STON2: variants seen among roughly 807,000 people sequenced by gnomAD.
The protein encoded by STON2 is stonin 2, also known as stonin-2.
A neutral mutation model predicts 65.7 loss-of-function variants in STON2; 29 were observed. The observed-to-expected ratio is 0.44, with a 90% confidence interval of 0.33 to 0.60. The LOEUF (loss-of-function observed/expected upper bound fraction) is 0.60. STON2 is among the 20% of genes least tolerant of loss of function. The probability of loss-of-function intolerance (pLI) is 0.03; values close to 1 mark genes in which losing one functional copy is unlikely to be tolerated. For missense variants in STON2, 1,054 were observed against 1,118.1 expected, an observed-to-expected ratio of 0.94 and a Z score of 0.82; for synonymous variants, 404 against 414.2, an observed-to-expected ratio of 0.98 and a Z score of 0.30.
At chr14:81,373,094 C>A (rs182794506) in intron 3 of STON2, among the ~76,000 whole-genome samples, 4 of 152,146 alleles carry the variant, frequency 2.6e-5, no homozygotes. Context: ...ATGTACTACA[C>A]GCCCATGTCT....
intron 4 of STON2, among the ~76,000 whole-genome samples, chr14:81,356,987 C>T (rs55991247): frequency 0.3 from 46,270 of 151,858 alleles, 7,296 homozygotes; most frequent in East Asian, 0.41. Context: ...GACATAGGCA[C>T]GGGCAAGGAC....
chr14:81,339,306 T>A (rs949823518), intron 4 of STON2, among the ~76,000 whole-genome samples: 2 of 152,108 alleles, frequency 1.3e-5, no homozygotes, highest in African/African-American at 4.8e-5. Context: ...GTTATGGATG[T>A]CAGGCTAAAG....
At position 81,263,723 on chromosome 14, in the gene STON2, T is replaced by C; in HGVS notation, c.*4691A>G. The C allele has an allele frequency of 1.0e-6, 1 of 985,300 alleles. No homozygotes were observed. The highest frequency in any genetic ancestry group is 1.2e-6 in the Non-Finnish European group (1 of 829,880). The allele number at this position is 985,300 out of a possible 1,614,324, so 61.0% of individuals were successfully genotyped here. A position where few individuals can be genotyped will look rare whatever the true frequency, so the allele number is the denominator to read the frequency against. On this transcript the variant is annotated 3_prime_UTR_variant, in exon 8 of 8. Coordinates refer to ENST00000614646, the MANE Select transcript of STON2 (RefSeq NM_001394390.1). ...GTCTAGATATGCTGGAATTAACATA[T>C]AATCCTCATTTTTAGAAGAGTTAAA...
At chr14:81,409,233 C>T (rs899255253) in intron 2 of STON2, among the ~76,000 whole-genome samples, 2 of 151,848 alleles carry the variant, frequency 1.3e-5, no homozygotes, top group Admixed American at 1.3e-4. Context: ...GGTGAAACCT[C>T]GTCTCTACTA....
chr14:81,369,130 G>A (rs1003780467), intron 4 of STON2, among the ~76,000 whole-genome samples: 2 of 152,098 alleles, frequency 1.3e-5, no homozygotes, highest in Admixed American at 1.3e-4. Context: ...CATAGCTCCT[G>A]TTGGGCAGTC....
At chr14:81,363,557 C>T (rs1898590523) in intron 4 of STON2, among the ~76,000 whole-genome samples, 2 of 150,032 alleles carry the variant, frequency 1.3e-5, no homozygotes, top group Admixed American at 1.3e-4. Context: ...CAAATGAAGA[C>T]AAAAATACAT....
chr14:81,314,956 C>T (rs776348551), intron 5 of STON2, among the ~76,000 whole-genome samples: 1 of 152,120 alleles, frequency 6.6e-6, no homozygotes, highest in Non-Finnish European at 1.5e-5. Flanking sequence ...GGAGTCCTCC[C>T]ACCTCAACCT....
intron 4 of STON2, among the ~76,000 whole-genome samples, chr14:81,348,984 T>C (rs1431153884): frequency 1.3e-5 from 2 of 152,112 alleles, no homozygotes; most frequent in African/African-American, 2.4e-5. Context: ...AGAACATATA[T>C]TGGGGAAAGG....
At chr14:81,376,514 G>T (rs185245821) in intron 3 of STON2, among the ~76,000 whole-genome samples, 54 of 152,132 alleles carry the variant, frequency 3.5e-4, no homozygotes, top group African/African-American at 1.3e-3. Context: ...CAGGCCAGGT[G>T]CTTTTACTGA....
chr14:81,355,237 T>C (rs1566923768), intron 4 of STON2, among the ~76,000 whole-genome samples: 1 of 152,060 alleles, frequency 6.6e-6, no homozygotes, highest in East Asian at 1.9e-4. Flanking sequence ...TAAAAAATAA[T>C]AGTTGAAAAT....
intron 2 of STON2, among the ~76,000 whole-genome samples, chr14:81,397,060 A>AAAC (rs1252660566): frequency 3.9e-5 from 6 of 152,184 alleles, no homozygotes; most frequent in Admixed American, 1.3e-4. Context: ...CTCCGTCTCA[A>AAAC]AACAACAACA....
intron 1 of STON2, among the ~76,000 whole-genome samples, chr14:81,434,211 A>G (rs1293414910): frequency 6.6e-6 from 1 of 152,266 alleles, no homozygotes; most frequent in Non-Finnish European, 1.5e-5. Flanking sequence ...CATTTTATAA[A>G]GCAGAAGCCT....
At chr14:81,415,996 G>A (rs954665701) in intron 2 of STON2, among the ~76,000 whole-genome samples, 27 of 152,236 alleles carry the variant, frequency 1.8e-4, no homozygotes, top group African/African-American at 3.9e-4. Context: ...TGGGGAGCCC[G>A]GGGAGGCTTC....
At chr14:81,347,170 C>T (rs942800958) in intron 4 of STON2, among the ~76,000 whole-genome samples, 2 of 151,250 alleles carry the variant, frequency 1.3e-5, no homozygotes, top group Admixed American at 6.6e-5. Flanking sequence ...AATTGATAAA[C>T]CTTTAGCTAG....
chr14:81,356,742 T>G (rs1384387392), intron 4 of STON2, among the ~76,000 whole-genome samples: 1 of 151,930 alleles, frequency 6.6e-6, no homozygotes, highest in Non-Finnish European at 1.5e-5. Context: ...CTTGGGAGAG[T>G]GTATGTGTTG....
chr14:81,377,214 C>A (rs1899294938), intron 3 of STON2, among the ~76,000 whole-genome samples: 1 of 152,154 alleles, frequency 6.6e-6, no homozygotes, highest in Non-Finnish European at 1.5e-5. Context: ...ATCTGTTTTT[C>A]ATTTCTATAA....
chr14:81,290,728 A>C (rs925150063), intron 5 of STON2, among the ~76,000 whole-genome samples: 3 of 152,188 alleles, frequency 2.0e-5, no homozygotes, highest in Non-Finnish European at 4.4e-5. Flanking sequence ...CTGACAACAA[A>C]ATAACCAAAT....
intron 2 of STON2, among the ~76,000 whole-genome samples, chr14:81,406,847 A>T (rs892649576): frequency 6.6e-6 from 1 of 152,134 alleles, no homozygotes; most frequent in Admixed American, 6.5e-5. Context: ...TTCTCTGGGT[A>T]CACCCAGACA....
Position 81,263,692 on chromosome 14 carries a change from AC to A in STON2, c.*4721del. ...GAAGCCAAAAGATTGGACCTCCCTG[AC>A]TAAGGTCTAGATATGCTGGAATTAA... On this transcript the variant is annotated 3_prime_UTR_variant, in exon 8 of 8. Transcript: ENST00000614646. 4.1e-6 allele frequency: 4 copies of A among 983,820 alleles called. No homozygotes were observed. The highest frequency in any genetic ancestry group is 4.8e-6 in the Non-Finnish European group (4 of 828,524). 60.9% of individuals were successfully genotyped at this position (983,820 alleles called of 1,614,324 possible). A position where few individuals can be genotyped will look rare whatever the true frequency, so the allele number is the denominator to read the frequency against.
Sources: gnomAD v4.1 joint callset for allele counts (sites outside exome capture counted in the v4.1 genomes callset) on GRCh38, gnomAD v4.1.1 for gene constraint, MANE v1.5 for transcripts, NCBI Gene and HGNC (gene_info 2026-07-23, HGNC 2026-07-21) for gene names.